The following PSAP variants were observed in gnomAD, a reference collection of about 807,000 sequenced individuals.
PSAP encodes the protein precursor of saposins.
PSAP carries 25 observed loss-of-function variants against 66.0 expected under a neutral mutation model. The observed-to-expected ratio is 0.38, with a 90% CI of 0.28 to 0.53. The LOEUF is 0.53. Among genes scored for constraint, PSAP ranks in the 20% least tolerant of loss-of-function variants. The pLI is 0.83. For synonymous variants in PSAP, 273 were observed against 258.9 expected (o/e 1.05, Z -0.52); for missense variants, 649 against 668.8 (o/e 0.97, Z 0.33).
intron 1 of PSAP, among the ~76,000 whole-genome samples, chr10:71,845,891 A>T (rs1332544686): frequency 2.6e-5 from 4 of 152,122 alleles, no homozygotes; most frequent in African/African-American, 9.7e-5. Context: ...CTGTCTACCT[A>T]CCCTGGCTTG....
intron 1 of PSAP, among the ~76,000 whole-genome samples, chr10:71,835,845 C>CAACA (rs796690953): frequency 5.0e-5 from 6 of 120,786 alleles, no homozygotes; most frequent in African/African-American, 2.0e-4. Context: ...AAAAACAAAA[C>CAACA]ACAATCACCT....
chr10:71,821,843 G>A, intron 8 of PSAP, 33 bp downstream of exon 8: 1 of 1,613,998 alleles, frequency 6.2e-7, no homozygotes, highest in Non-Finnish European at 8.5e-7. Context: ...GCATTGCACA[G>A]CCCTGACCAG....
intron 1 of PSAP, among the ~76,000 whole-genome samples, chr10:71,839,386 C>T (rs1397164706): frequency 7.9e-5 from 12 of 152,188 alleles, no homozygotes; most frequent in African/African-American, 1.4e-4. Context: ...ATTATAGGCG[C>T]CTGCCACCAT....
At chr10:71,829,724 C>A (rs907008456) in intron 4 of PSAP, among the ~76,000 whole-genome samples, 2 of 152,156 alleles carry the variant, frequency 1.3e-5, no homozygotes, top group African/African-American at 4.8e-5. Flanking sequence ...GGAGGCCAGG[C>A]GCAGTGGCTC....
At chr10:71,825,092 T>C (rs891502666) in intron 7 of PSAP, among the ~76,000 whole-genome samples, 2 of 152,112 alleles carry the variant, frequency 1.3e-5, no homozygotes, top group African/African-American at 4.8e-5. Flanking sequence ...GTCGCTGTGT[T>C]CCAAAAAAAT....
intron 1 of PSAP, among the ~76,000 whole-genome samples, chr10:71,849,548 C>T (rs1016647476): frequency 2.0e-5 from 3 of 152,068 alleles, no homozygotes; most frequent in African/African-American, 7.2e-5. Context: ...TTGCAGTTAG[C>T]CGAGACTACG....
At chr10:71,818,980 C>A (rs1416309414) in intron 12 of PSAP, 51 bp downstream of exon 12, 7 of 1,529,054 alleles carry the variant, frequency 4.6e-6, no homozygotes, top group African/African-American at 4.1e-5. Context: ...GTCTCTGCAG[C>A]CCCCCAGGTT....
At chr10:71,834,630 G>T in intron 1 of PSAP, 125 bp from the exon 2 acceptor site, 1 of 1,245,520 alleles carries the variant, frequency 8.0e-7, no homozygotes, top group Non-Finnish European at 1.1e-6. Flanking sequence ...CCCTCACCAA[G>T]CTGTATGGGA....
intron 1 of PSAP, among the ~76,000 whole-genome samples, chr10:71,839,490 G>A (rs575259102): frequency 4.6e-4 from 70 of 151,856 alleles, no homozygotes; most frequent in Middle Eastern, 3.4e-3. Flanking sequence ...CACCCGCCTC[G>A]GCCTCCCAAA....
intron 2 of PSAP, among the ~76,000 whole-genome samples, chr10:71,833,260 C>T (rs551738582): frequency 6.6e-6 from 1 of 152,230 alleles, no homozygotes; most frequent in South Asian, 2.1e-4. Flanking sequence ...GAGTTCAAGA[C>T]CAGCCTGGGC....
At chr10:71,831,547 A>AT (rs1842517163) in intron 3 of PSAP, among the ~76,000 whole-genome samples, 1 of 152,250 alleles carries the variant, frequency 6.6e-6, no homozygotes, top group East Asian at 1.9e-4. Context: ...CAACATCTCA[A>AT]TTAACTTTGG....
At chr10:71,845,096 A>C (rs759133990) in intron 1 of PSAP, among the ~76,000 whole-genome samples, 2 of 152,224 alleles carry the variant, frequency 1.3e-5, no homozygotes, top group Non-Finnish European at 2.9e-5. Flanking sequence ...TATGCATAAG[A>C]TAAAACATAC....
At chr10:71,848,268 G>A (rs1842857584) in intron 1 of PSAP, among the ~76,000 whole-genome samples, 1 of 152,180 alleles carries the variant, frequency 6.6e-6, no homozygotes, top group Non-Finnish European at 1.5e-5. Context: ...CTCACTTTGT[G>A]GTAATTCATC....
intron 7 of PSAP, chr10:71,823,854 G>T: frequency 1.6e-6 from 2 of 1,283,836 alleles, no homozygotes; most frequent in Non-Finnish European, 2.0e-6. Flanking sequence ...GGAAGCAGCA[G>T]ACCACTACTG....
chr10:71,846,043 TGGG>T (rs1842816293), intron 1 of PSAP, among the ~76,000 whole-genome samples: 1 of 152,234 alleles, frequency 6.6e-6, no homozygotes, highest in African/African-American at 2.4e-5. Context: ...GCTGTGCTGT[TGGG>T]GACAAAGATA....
Position 71,828,019 on chromosome 10 carries a change from C to T in PSAP, c.715G>A (p.Asp239Asn), listed in dbSNP as rs772254365. The change falls in exon 6 of 14, where the codon GAC becomes AAC. Residue 239 changes from aspartate (D) to asparagine (N), a missense_variant. Transcript: ENST00000394936. ...CACAAGGACACAAGGCTCACTATGT[C>T]GGCCATGCCAGGGCCCAGGCGGTCA... ...ECDRLGPGMA[D>N]ICKNYISQYS... The T allele has an allele frequency of 5.0e-6, 8 of 1,614,170 alleles. No homozygotes were observed. The highest frequency in any genetic ancestry group is 3.3e-5 in the Admixed American group (2 of 60,026).
In PSAP at chr10:71,834,354, G is replaced by A; in HGVS notation, c.174+18C>T. ...AAGAGGAGTGCTGCGGCTGGGACTG[G>A]AGGGCAGCGGCACTCACCACTGTTG... On this transcript the variant is annotated intron_variant, in intron 2 of 13. Transcript: ENST00000394936. 6.2e-7 allele frequency: 1 copy of A among 1,613,102 alleles called. No homozygotes were observed. Among genetic ancestry groups the A allele is most frequent in the Middle Eastern group, 1.7e-4 (1 of 5,870 alleles).
At chr10:71,842,277 C>G (rs1430969472) in intron 1 of PSAP, among the ~76,000 whole-genome samples, 1 of 152,094 alleles carries the variant, frequency 6.6e-6, no homozygotes, top group Non-Finnish European at 1.5e-5. Context: ...AATAATCCAG[C>G]CAGGTGTTAA....
chr10:71,830,821 G>C (rs773207192), intron 4 of PSAP, among the ~76,000 whole-genome samples: 16 of 152,182 alleles, frequency 1.1e-4, no homozygotes, highest in Non-Finnish European at 2.1e-4. Context: ...CCTGCTCAAA[G>C]GGGTCAGTTA....
Sources: gnomAD v4.1 joint callset for allele counts (sites outside exome capture counted in the v4.1 genomes callset) on GRCh38, gnomAD v4.1.1 for gene constraint, MANE v1.5 for transcripts, NCBI Gene and HGNC (gene_info 2026-07-23, HGNC 2026-07-21) for gene names.